PLA2G4E: variants seen among roughly 807,000 people sequenced by gnomAD.
The protein encoded by PLA2G4E is phospholipase A2 group IVE.
A neutral mutation model predicts 109.1 loss-of-function variants in PLA2G4E; 84 were observed. That is an observed-to-expected ratio of 0.77 (90% CI 0.65 to 0.92). The LOEUF (loss-of-function observed/expected upper bound fraction) is 0.92, where lower values mean the gene tolerates loss of function less well. Ranked by LOEUF, PLA2G4E falls within the 40% of genes least tolerant of loss-of-function variation. PLA2G4E has a pLI of 0.00. For missense variants in PLA2G4E, 1,057 were observed against 1,076.6 expected, an observed-to-expected ratio of 0.98 and a Z score of 0.25; for synonymous variants, 469 against 436.1, an observed-to-expected ratio of 1.08 and a Z score of -0.94.
intron 1 of PLA2G4E, among the ~76,000 whole-genome samples, chr15:42,030,692 G>A (rs112785512): frequency 0.017 from 2,600 of 152,286 alleles, 79 homozygotes; most frequent in African/African-American, 0.059. Context: ...TGTTGAGGTG[G>A]TCTCACAGCC....
chr15:42,020,934 C>T lies in PLA2G4E; in HGVS notation c.184-7177G>A, dbSNP rs2068642763. 6.6e-6 allele frequency among the ~76,000 whole-genome samples: 1 copy of T among 151,956 alleles called. No individual in the cohort carries two copies. The highest frequency in any genetic ancestry group is 6.6e-5 in the Admixed American group (1 of 15,260). On this transcript the variant is annotated intron_variant, in intron 1 of 19. Transcript: ENST00000399518. ...CCAGCCACTGAGCACCCCTCCCTCA[C>T]CTTCAAGGCACAGGTGGCCGAGGGC...
At chr15:42,050,445 G>A (rs1213696773) in intron 1 of PLA2G4E, 3 of 1,447,306 alleles carry the variant, frequency 2.1e-6, no homozygotes, top group East Asian at 5.0e-5. Context: ...AGCAATGCAG[G>A]TGATCTTATT....
chr15:42,031,956 T>C (rs891818967), intron 1 of PLA2G4E, among the ~76,000 whole-genome samples: 3 of 152,176 alleles, frequency 2.0e-5, no homozygotes, highest in Non-Finnish European at 4.4e-5. Flanking sequence ...ATTTGGGTCA[T>C]GGGGATGGAT....
chr15:42,044,186 C>T (rs1044933177), intron 1 of PLA2G4E, among the ~76,000 whole-genome samples: 3 of 152,104 alleles, frequency 2.0e-5, no homozygotes, highest in Non-Finnish European at 4.4e-5. Flanking sequence ...CCATCAACTG[C>T]GATAAGAATC....
At chr15:41,984,074 A>G in intron 19 of PLA2G4E, 100 bp from the exon 20 acceptor site, 1 of 1,047,586 alleles carries the variant, frequency 9.5e-7, no homozygotes, top group Middle Eastern at 3.0e-4. Context: ...GCACTCACGG[A>G]CACACACACC....
exon 20 of PLA2G4E, chr15:41,983,779 C>T (rs781057511): frequency 3.0e-5 from 48 of 1,599,420 alleles, no homozygotes; most frequent in African/African-American, 1.1e-4. Flanking sequence ...GCCCTTCAGG[C>T]GCTTCTTCTT....
At chr15:42,043,602 G>T (rs1317232858) in intron 1 of PLA2G4E, among the ~76,000 whole-genome samples, 1 of 150,292 alleles carries the variant, frequency 6.7e-6, no homozygotes, top group Non-Finnish European at 1.5e-5. Context: ...AAACCAAAGA[G>T]GCCAGTGACA....
chr15:42,041,200 C>T (rs1327877645), intron 1 of PLA2G4E, among the ~76,000 whole-genome samples: 1 of 152,148 alleles, frequency 6.6e-6, no homozygotes, highest in Non-Finnish European at 1.5e-5. Flanking sequence ...CAAACACTTG[C>T]TCAAATCCTC....
exon 20 of PLA2G4E, chr15:41,983,155 T>A (rs896363584): frequency 6.5e-6 from 1 of 152,910 alleles, no homozygotes; most frequent in African/African-American, 2.4e-5. Context: ...TCCCGGCCAC[T>A]TGGGAGGCTG....
intron 1 of PLA2G4E, among the ~76,000 whole-genome samples, chr15:42,039,501 C>T (rs1889277149): frequency 6.6e-6 from 1 of 151,288 alleles, no homozygotes; most frequent in South Asian, 2.1e-4. Flanking sequence ...CCAAATAGAA[C>T]CAAGTATACA....
chr15:42,026,443 A>AGGAAATGCAAATTCATC (rs2068693724), intron 1 of PLA2G4E, among the ~76,000 whole-genome samples: 1 of 152,258 alleles, frequency 6.6e-6, no homozygotes, highest in Non-Finnish European at 1.5e-5. Context: ...GGGAAAAGCC[A>AGGAAATGCAAATTCATC]GGAAATGCAA....
chr15:41,997,264 AG>A lies in PLA2G4E; in HGVS notation c.975-6del. ...CGCACGTCCAGTGTCTCAGGGCTGG[AG>A]GGAGAGAGGACCCTGTATTGGGCCT... On this transcript the variant is annotated splice_region_variant and splice_polypyrimidine_tract_variant and intron_variant, in intron 10 of 19. Transcript: ENST00000399518. 6.5e-7 allele frequency: 1 copy of A among 1,541,182 alleles called. No homozygotes were observed. The highest frequency in any genetic ancestry group is 8.8e-7 in the Non-Finnish European group (1 of 1,140,888).
intron 1 of PLA2G4E, among the ~76,000 whole-genome samples, chr15:42,034,241 G>A (rs922832643): frequency 2.0e-5 from 3 of 152,228 alleles, no homozygotes; most frequent in Non-Finnish European, 2.9e-5. Context: ...TCCCTTGAAA[G>A]TATTTTTGGA....
intron 1 of PLA2G4E, among the ~76,000 whole-genome samples, chr15:42,015,046 G>A (rs990496624): frequency 6.6e-6 from 1 of 152,008 alleles, no homozygotes; most frequent in Admixed American, 6.5e-5. Context: ...ACCTCCTGGG[G>A]GCTCTGCCAT....
chr15:41,997,725 G>C (rs538481765), intron 10 of PLA2G4E: 1 of 152,656 alleles, frequency 6.6e-6, no homozygotes, highest in Admixed American at 6.5e-5. Context: ...CAAACTCCCT[G>C]TTCCTATGGA....
At chr15:42,037,425 G>T (rs1292147386) in intron 1 of PLA2G4E, among the ~76,000 whole-genome samples, 2 of 152,240 alleles carry the variant, frequency 1.3e-5, no homozygotes, top group African/African-American at 4.8e-5. Context: ...TCTCTGCTAG[G>T]AGTTGAACAC....
At chr15:42,019,058 C>T (rs780296857) in intron 1 of PLA2G4E, among the ~76,000 whole-genome samples, 10 of 152,168 alleles carry the variant, frequency 6.6e-5, no homozygotes, top group South Asian at 2.1e-4. Context: ...GGGAAGGCCG[C>T]GTTTAGAGAG....
intron 1 of PLA2G4E, among the ~76,000 whole-genome samples, chr15:42,023,945 T>A (rs866974109): frequency 8.5e-5 from 13 of 152,312 alleles, no homozygotes; most frequent in African/African-American, 3.1e-4. Context: ...TGGGAGCCAG[T>A]GTGACCTTGA....
chr15:42,024,696 C>T (rs2068678106), intron 1 of PLA2G4E, among the ~76,000 whole-genome samples: 1 of 152,158 alleles, frequency 6.6e-6, no homozygotes, highest in South Asian at 2.1e-4. Context: ...AGCCTCCTCT[C>T]TGCCTCCTAC....
Sources: allele counts gnomAD v4.1 joint callset (sites outside exome capture counted in the v4.1 genomes callset), GRCh38; gene constraint gnomAD v4.1.1; transcripts MANE v1.5; gene names NCBI Gene and HGNC (gene_info 2026-07-23, HGNC 2026-07-21).